Variants in KCNG3 observed in about 807,000 individuals in gnomAD.
The protein encoded by KCNG3 is potassium voltage-gated channel modifier subfamily G member 3, also known as voltage-gated potassium channel regulatory subunit KCNG3.
In KCNG3, 15 loss-of-function variants were observed where a neutral mutation model predicts 29.0. The observed-to-expected ratio is 0.52, with a 90% CI of 0.35 to 0.80. KCNG3 has a LOEUF of 0.80. KCNG3 is among the 30% of genes least tolerant of loss of function. The probability of loss-of-function intolerance (pLI) is 0.01; values close to 1 mark genes in which losing one functional copy is unlikely to be tolerated. For missense variants in KCNG3, 512 were observed against 605.7 expected (o/e 0.85, Z 1.62); for synonymous variants, 322 against 248.9 (o/e 1.29, Z -2.76).
In KCNG3 at chr2:42,478,557, TA is replaced by T. The variant is rs796664433; in HGVS notation, c.665+14279del. ...GTCAAAGACATTCTTAGGTAAAGCTTAAAAAAAAAAAATTGAGTACATGGTA... is the reference window on the plus strand; with the variant it reads ...GTCAAAGACATTCTTAGGTAAAGCTTAAAAAAAAAAATTGAGTACATGGTA... On this transcript the variant is annotated intron_variant, in intron 1 of 1. Transcript: ENST00000306078. Among the ~76,000 whole-genome samples the T allele has an allele frequency of 3.3e-3, 487 of 145,894 alleles. 5 individuals are homozygous for T. The highest frequency in any genetic ancestry group is 0.01 in the African/African-American group (400 of 39,966).
At chr2:42,407,819 G>A in the KCNG3 span, among the ~76,000 whole-genome samples, 1,510 of 152,046 alleles carry the variant, frequency 9.9e-3, 28 homozygotes, top group African/African-American at 0.022. Context: ...CTTCAGACCC[G>A]GGCCTCCATG....
chr2:42,416,776 C>T, the KCNG3 span, among the ~76,000 whole-genome samples: 2 of 150,796 alleles, frequency 1.3e-5, no homozygotes, highest in Admixed American at 1.3e-4. Context: ...CGAGATTGCG[C>T]CACTGCACTC....
intron 1 of KCNG3, among the ~76,000 whole-genome samples, chr2:42,468,272 T>A (rs939166507): frequency 6.6e-6 from 1 of 152,126 alleles, no homozygotes; most frequent in Non-Finnish European, 1.5e-5. Context: ...ACAACAAAAA[T>A]AGACCCTTTG....
chr2:42,393,430 G>A, the KCNG3 span, among the ~76,000 whole-genome samples: 3 of 151,884 alleles, frequency 2.0e-5, no homozygotes, highest in Non-Finnish European at 4.4e-5. Flanking sequence ...GCGTGGTGGC[G>A]GGCACCTGTA....
the KCNG3 span, among the ~76,000 whole-genome samples, chr2:42,418,633 A>G: frequency 6.6e-6 from 1 of 152,222 alleles, no homozygotes; most frequent in Non-Finnish European, 1.5e-5. Flanking sequence ...CAAGAGAGAT[A>G]ATGAATCATT....
chr2:42,429,020 G>A, the KCNG3 span, among the ~76,000 whole-genome samples: 1 of 152,172 alleles, frequency 6.6e-6, no homozygotes, highest in African/African-American at 2.4e-5. Context: ...TTGGGAGGCT[G>A]AGGGAGGAGG....
chr2:42,430,615 G>C, the KCNG3 span, among the ~76,000 whole-genome samples: 1 of 151,764 alleles, frequency 6.6e-6, no homozygotes, highest in Non-Finnish European at 1.5e-5. Flanking sequence ...GCTAGGTGTG[G>C]TGGCACACAC....
chr2:42,468,386 T>C (rs534872236), intron 1 of KCNG3, among the ~76,000 whole-genome samples: 43 of 152,246 alleles, frequency 2.8e-4, no homozygotes, highest in South Asian at 6.2e-4. Context: ...TGAACCATCA[T>C]AAATTAGGGA....
the KCNG3 span, among the ~76,000 whole-genome samples, chr2:42,423,834 T>C: frequency 2.0e-5 from 3 of 151,286 alleles, no homozygotes; most frequent in Non-Finnish European, 4.4e-5. Context: ...ATGATGACAG[T>C]AACTTATTAC....
intron 1 of KCNG3, among the ~76,000 whole-genome samples, chr2:42,479,238 A>G (rs919053378): frequency 6.6e-6 from 1 of 152,182 alleles, no homozygotes; most frequent in Non-Finnish European, 1.5e-5. Context: ...GGATAGATAC[A>G]AAGAATAAAG....
chr2:42,389,832 TAAATCTTA>T, the KCNG3 span, among the ~76,000 whole-genome samples: 1 of 152,252 alleles, frequency 6.6e-6, no homozygotes, highest in Non-Finnish European at 1.5e-5. Flanking sequence ...CATCACTTTT[TAAATCTTA>T]TTTGTTATCA....
the KCNG3 span, among the ~76,000 whole-genome samples, chr2:42,393,454 T>C: frequency 6.6e-6 from 1 of 151,796 alleles, no homozygotes; most frequent in Non-Finnish European, 1.5e-5. Flanking sequence ...CCAGCTATTC[T>C]GGAGGCTGAG....
intron 1 of KCNG3, among the ~76,000 whole-genome samples, chr2:42,450,281 G>A (rs899878889): frequency 1.1e-4 from 17 of 152,306 alleles, no homozygotes; most frequent in African/African-American, 3.8e-4. Context: ...TAGGTCAGAT[G>A]CAGTTTATTC....
At chr2:42,492,752 C>A in intron 1 of KCNG3, 85 bp downstream of exon 1, 1 of 1,254,920 alleles carries the variant, frequency 8.0e-7, no homozygotes, top group Non-Finnish European at 1.0e-6. Flanking sequence ...CGCCCGGAGG[C>A]GGACAGGACG....
chr2:42,475,260 G>C (rs1673394693), intron 1 of KCNG3, among the ~76,000 whole-genome samples: 1 of 151,662 alleles, frequency 6.6e-6, no homozygotes, highest in Non-Finnish European at 1.5e-5. Flanking sequence ...GGAATTTGGT[G>C]CTTCAGTGAG....
chr2:42,445,373 G>T (rs1021088666), intron 1 of KCNG3, among the ~76,000 whole-genome samples: 4 of 152,138 alleles, frequency 2.6e-5, no homozygotes, highest in African/African-American at 9.7e-5. Context: ...GTCAATGCAA[G>T]ATCATTTCCT....
chr2:42,440,164 CAGA>C (rs1024274924), downstream of KCNG3, among the ~76,000 whole-genome samples: 20 of 152,158 alleles, frequency 1.3e-4, no homozygotes, highest in Middle Eastern at 3.4e-3. Flanking sequence ...CAAAATAGAC[CAGA>C]AGGTTTCCAC....
At chr2:42,391,742 AC>A in the KCNG3 span, among the ~76,000 whole-genome samples, 1 of 148,850 alleles carries the variant, frequency 6.7e-6, no homozygotes, top group African/African-American at 2.5e-5. Context: ...AGCTGGGACT[AC>A]AGGCGCCCGC....
At chr2:42,462,491 G>T (rs561948240) in intron 1 of KCNG3, among the ~76,000 whole-genome samples, 3 of 152,090 alleles carry the variant, frequency 2.0e-5, no homozygotes, top group African/African-American at 7.2e-5. Context: ...AGACCAGCCT[G>T]GTCAACATGG....
Sources: gnomAD v4.1 joint callset for allele counts (sites outside exome capture counted in the v4.1 genomes callset) on GRCh38, gnomAD v4.1.1 for gene constraint, MANE v1.5 for transcripts, NCBI Gene and HGNC (gene_info 2026-07-23, HGNC 2026-07-21) for gene names.